The following LRRC4C variants were observed in gnomAD, a reference collection of about 807,000 sequenced individuals.
LRRC4C encodes the protein leucine-rich repeat-containing protein 4C.
Under a neutral mutation model 33.6 loss-of-function variants are expected in LRRC4C, and 5 were observed. The observed-to-expected ratio is 0.15, with a 90% CI of 0.08 to 0.31. The LOEUF (loss-of-function observed/expected upper bound fraction) is 0.31. Ranked by LOEUF, LRRC4C falls within the 10% of genes least tolerant of loss-of-function variation. The pLI is 1.00. For synonymous variants in LRRC4C, 329 were observed against 302.0 expected (o/e 1.09, Z -0.93); for missense variants, 560 against 796.7 (o/e 0.70, Z 3.58).
At chr11:40,120,049 T>A (rs917263730) in intron 6 of LRRC4C, among the ~76,000 whole-genome samples, 4 of 152,236 alleles carry the variant, frequency 2.6e-5, no homozygotes, top group African/African-American at 9.6e-5. Flanking sequence ...TTCTACTGGC[T>A]GCTCCCTACT....
chr11:41,319,755 T>A (rs963936945), intron 1 of LRRC4C, among the ~76,000 whole-genome samples: 1 of 152,128 alleles, frequency 6.6e-6, no homozygotes, highest in African/African-American at 2.4e-5. Context: ...CTTCCTATGT[T>A]GCCAAGGCTG....
intron 5 of LRRC4C, among the ~76,000 whole-genome samples, chr11:40,175,340 A>G (rs971563959): frequency 6.6e-6 from 1 of 152,234 alleles, no homozygotes; most frequent in African/African-American, 2.4e-5. Flanking sequence ...TTGCTGCCTT[A>G]ACTCAACATC....
intron 2 of LRRC4C, among the ~76,000 whole-genome samples, chr11:40,803,189 T>C (rs1020930050): frequency 6.6e-6 from 1 of 152,202 alleles, no homozygotes; most frequent in Admixed American, 6.5e-5. Flanking sequence ...ATTAACATAT[T>C]TAATTCATCA....
intron 1 of LRRC4C, among the ~76,000 whole-genome samples, chr11:41,016,289 T>C (rs567346537): frequency 6.6e-6 from 1 of 152,284 alleles, no homozygotes; most frequent in Admixed American, 6.5e-5. Flanking sequence ...GAAGATAATA[T>C]TTTTGGAAAA....
intron 1 of LRRC4C, among the ~76,000 whole-genome samples, chr11:41,374,867 C>A (rs949010776): frequency 3.9e-5 from 6 of 152,038 alleles, no homozygotes; most frequent in Non-Finnish European, 5.9e-5. Flanking sequence ...GGGCATGGTG[C>A]CTCACACCAG....
At chr11:41,033,010 A>T (rs946034159) in intron 1 of LRRC4C, among the ~76,000 whole-genome samples, 32 of 151,262 alleles carry the variant, frequency 2.1e-4, no homozygotes, top group Admixed American at 1.6e-3. Flanking sequence ...ATACCATGAA[A>T]CATTACCAGC....
At chr11:40,782,803 T>C (rs1006244001) in intron 2 of LRRC4C, among the ~76,000 whole-genome samples, 2 of 152,188 alleles carry the variant, frequency 1.3e-5, no homozygotes, top group African/African-American at 4.8e-5. Flanking sequence ...GTAAAAAGTC[T>C]TTCTGTCACT....
At chr11:40,942,540 T>C (rs946574766) in intron 1 of LRRC4C, among the ~76,000 whole-genome samples, 5 of 152,126 alleles carry the variant, frequency 3.3e-5, no homozygotes, top group African/African-American at 1.2e-4. Context: ...TGTGGGGGCG[T>C]TGCAAGTAGT....
At chr11:40,632,629 A>G (rs1339538661) in intron 3 of LRRC4C, among the ~76,000 whole-genome samples, 2 of 152,214 alleles carry the variant, frequency 1.3e-5, no homozygotes, top group Non-Finnish European at 2.9e-5. Flanking sequence ...TAAAACACTT[A>G]TGTAATCTTA....
intron 1 of LRRC4C, among the ~76,000 whole-genome samples, chr11:41,431,154 A>G (rs1433226157): frequency 6.6e-6 from 1 of 152,110 alleles, no homozygotes; most frequent in Admixed American, 6.6e-5. Flanking sequence ...CTGTATAAAC[A>G]CCATTTGCTT....
chr11:41,040,983 T>C (rs1418172664), intron 1 of LRRC4C, among the ~76,000 whole-genome samples: 1 of 152,184 alleles, frequency 6.6e-6, no homozygotes, highest in African/African-American at 2.4e-5. Context: ...TCACACCACC[T>C]GGGTTTAAAA....
chr11:40,227,457 A>G (rs572382389), intron 5 of LRRC4C, among the ~76,000 whole-genome samples: 2 of 152,270 alleles, frequency 1.3e-5, no homozygotes, highest in African/African-American at 4.8e-5. Context: ...TACCACTGAC[A>G]CTCATCCCCC....
intron 6 of LRRC4C, among the ~76,000 whole-genome samples, chr11:40,126,576 T>A (rs1462176576): frequency 6.6e-6 from 1 of 152,196 alleles, no homozygotes; most frequent in Non-Finnish European, 1.5e-5. Flanking sequence ...TGCATATAGG[T>A]ACTAGTGTAA....
At chr11:40,487,650 G>A (rs1179513134) in intron 3 of LRRC4C, among the ~76,000 whole-genome samples, 1 of 151,736 alleles carries the variant, frequency 6.6e-6, no homozygotes, top group Non-Finnish European at 1.5e-5. Context: ...TGTGAGAAGT[G>A]GATTTCCATT....
chr11:41,225,959 A>G (rs1947516191), intron 1 of LRRC4C, among the ~76,000 whole-genome samples: 1 of 152,156 alleles, frequency 6.6e-6, no homozygotes, highest in Non-Finnish European at 1.5e-5. Flanking sequence ...TTAAAATGCA[A>G]TTCTCTTTGA....
At chr11:40,414,383 C>G (rs1950253115) in intron 3 of LRRC4C, among the ~76,000 whole-genome samples, 1 of 152,096 alleles carries the variant, frequency 6.6e-6, no homozygotes, top group African/African-American at 2.4e-5. Context: ...AATCCACTTT[C>G]ATTAGCAAGA....
chr11:41,284,933 G>C (rs1949777615), intron 1 of LRRC4C, among the ~76,000 whole-genome samples: 2 of 152,290 alleles, frequency 1.3e-5, no homozygotes, highest in African/African-American at 4.8e-5. Flanking sequence ...CTGTCACAAT[G>C]AGTCCACGGC....
At chr11:40,566,931 C>T (rs1315903364) in intron 3 of LRRC4C, among the ~76,000 whole-genome samples, 1 of 152,052 alleles carries the variant, frequency 6.6e-6, no homozygotes, top group Non-Finnish European at 1.5e-5. Flanking sequence ...GTCTTTCTTA[C>T]AAACACAGAG....
chr11:40,737,667 T>C (rs1947951550), intron 2 of LRRC4C, among the ~76,000 whole-genome samples: 1 of 151,940 alleles, frequency 6.6e-6, no homozygotes, highest in Non-Finnish European at 1.5e-5. Context: ...TTACAAGGGA[T>C]GTGAAGGACA....
Sources: gnomAD v4.1 joint callset for allele counts (sites outside exome capture counted in the v4.1 genomes callset) on GRCh38, gnomAD v4.1.1 for gene constraint, MANE v1.5 for transcripts, NCBI Gene and HGNC (gene_info 2026-07-23, HGNC 2026-07-21) for gene names.